Variants in FGGY observed in about 807,000 individuals in gnomAD.
The protein encoded by FGGY is FGGY carbohydrate kinase domain-containing protein.
In FGGY, 72 loss-of-function variants were observed where a neutral mutation model predicts 71.3. The ratio of observed to expected loss-of-function variants is 1.01; its 90% CI spans 0.84 to 1.23. The LOEUF (loss-of-function observed/expected upper bound fraction) is 1.23. Ranked by LOEUF, FGGY falls within the 50% of genes most tolerant of loss-of-function variation. FGGY has a pLI of 0.00. For synonymous variants in FGGY, 251 were observed against 250.3 expected (o/e 1.00, Z -0.02); for missense variants, 668 against 682.3 (o/e 0.98, Z 0.23).
At chr1:59,402,908 C>G (rs1375314124) in intron 5 of FGGY, among the ~76,000 whole-genome samples, 4 of 152,160 alleles carry the variant, frequency 2.6e-5, no homozygotes, top group African/African-American at 9.7e-5. Flanking sequence ...AGATGCTTAC[C>G]TCCCTGAGAG....
At chr1:59,370,985 G>T (rs2057515179) in intron 4 of FGGY, among the ~76,000 whole-genome samples, 1 of 151,728 alleles carries the variant, frequency 6.6e-6, no homozygotes, top group Admixed American at 6.6e-5. Flanking sequence ...AGACTAGGAA[G>T]AAACTGCATC....
intron 14 of FGGY, among the ~76,000 whole-genome samples, chr1:59,685,383 GT>G: frequency 6.6e-6 from 1 of 152,146 alleles, no homozygotes; most frequent in East Asian, 1.9e-4. Flanking sequence ...GATCTTGGCA[GT>G]TTTGATTAGT....
chr1:59,404,893 G>A (rs1454776018), intron 5 of FGGY, among the ~76,000 whole-genome samples: 1 of 152,160 alleles, frequency 6.6e-6, no homozygotes, highest in East Asian at 1.9e-4. Context: ...TACTGCCGCT[G>A]AGCTCACATC....
intron 14 of FGGY, among the ~76,000 whole-genome samples, chr1:59,700,475 G>C (rs11207507): frequency 0.029 from 4,361 of 152,224 alleles, 207 homozygotes; most frequent in African/African-American, 0.1. Context: ...CTTCAACAAA[G>C]TAGTGCATGA....
chr1:59,677,195 G>A (rs1157416762), intron 14 of FGGY, among the ~76,000 whole-genome samples: 1 of 152,324 alleles, frequency 6.6e-6, no homozygotes, highest in South Asian at 2.1e-4. Flanking sequence ...CTGGCAAGGT[G>A]AGGCAAAATT....
intron 5 of FGGY, among the ~76,000 whole-genome samples, chr1:59,420,637 G>T (rs1037976544): frequency 6.6e-6 from 1 of 152,058 alleles, no homozygotes; most frequent in Non-Finnish European, 1.5e-5. Flanking sequence ...AGCTTGTAGG[G>T]TTCAAGACTT....
chr1:59,498,074 C>T (rs918773353), intron 6 of FGGY, among the ~76,000 whole-genome samples: 1 of 152,180 alleles, frequency 6.6e-6, no homozygotes, highest in East Asian at 1.9e-4. Context: ...CTTGGTATAA[C>T]AGGATTCTAC....
intron 14 of FGGY, among the ~76,000 whole-genome samples, chr1:59,727,964 C>G (rs2097968865): frequency 6.6e-6 from 1 of 151,988 alleles, no homozygotes; most frequent in African/African-American, 2.4e-5. Context: ...CTTTGTAGGC[C>G]TTATTCTTTT....
intron 9 of FGGY, among the ~76,000 whole-genome samples, chr1:59,618,687 C>T (rs866367078): frequency 3.2e-4 from 48 of 151,882 alleles, no homozygotes; most frequent in African/African-American, 1.1e-3. Context: ...TAAGAGCTGA[C>T]TGGAGATGAC....
At chr1:59,654,789 A>G (rs72666267) in intron 11 of FGGY, among the ~76,000 whole-genome samples, 16,315 of 152,132 alleles carry the variant, frequency 0.11, 991 homozygotes, top group South Asian at 0.29. Context: ...GGAAACCTAC[A>G]CTCGACTAGG....
intron 8 of FGGY, among the ~76,000 whole-genome samples, chr1:59,576,091 C>T (rs1298413888): frequency 1.3e-5 from 2 of 152,142 alleles, no homozygotes; most frequent in African/African-American, 4.8e-5. Context: ...AGCATTCTCA[C>T]ATGCACACAT....
intron 11 of FGGY, among the ~76,000 whole-genome samples, chr1:59,644,068 T>C (rs979653100): frequency 6.6e-6 from 1 of 152,194 alleles, no homozygotes; most frequent in African/African-American, 2.4e-5. Flanking sequence ...ACCACCAACC[T>C]TGTGGCTTGT....
chr1:59,703,447 A>T (rs1253146279), intron 14 of FGGY, among the ~76,000 whole-genome samples: 1 of 152,206 alleles, frequency 6.6e-6, no homozygotes, highest in African/African-American at 2.4e-5. Context: ...TCACACAATT[A>T]GTAAATGGCA....
intron 2 of FGGY, among the ~76,000 whole-genome samples, chr1:59,336,697 T>C (rs1330254041): frequency 6.6e-6 from 1 of 151,986 alleles, no homozygotes; most frequent in Admixed American, 6.6e-5. Context: ...CCTGTGTCCA[T>C]GTGTTCTCAT....
At chr1:59,603,458 G>C (rs936896759) in intron 8 of FGGY, among the ~76,000 whole-genome samples, 3 of 152,146 alleles carry the variant, frequency 2.0e-5, no homozygotes, top group Non-Finnish European at 2.9e-5. Flanking sequence ...CATCATACAA[G>C]CCTCATTTCA....
chr1:59,505,254 A>G (rs2094347944), intron 6 of FGGY, among the ~76,000 whole-genome samples: 1 of 152,182 alleles, frequency 6.6e-6, no homozygotes, highest in Admixed American at 6.5e-5. Flanking sequence ...AAAGTAAGCT[A>G]CTTGAGCGTA....
chr1:59,659,195 C>G (rs1317694219), intron 11 of FGGY, among the ~76,000 whole-genome samples: 1 of 152,072 alleles, frequency 6.6e-6, no homozygotes, highest in Non-Finnish European at 1.5e-5. Context: ...AAGCAAGACT[C>G]TGTCTCAAAA....
chr1:59,673,071 A>G (rs140487214), intron 13 of FGGY, among the ~76,000 whole-genome samples: 1 of 152,288 alleles, frequency 6.6e-6, no homozygotes, highest in Non-Finnish European at 1.5e-5. Context: ...ACCATGTGCT[A>G]GATACTGGTC....
rs184850532 is a variant in FGGY at position 59,726,688 on chromosome 1, T to G, written c.1513-31243T>G. Among the ~76,000 whole-genome samples, 28 of 152,314 alleles carry G rather than the reference T, an allele frequency of 1.8e-4. No individual in the cohort carries two copies. The East Asian group carries it at 5.4e-3, about 29-fold the overall frequency. ...TTTCAAAGAAGTAGTCCATTTCATC[T>G]AAATTATTTTTAGTTGCCAATGTTA... On this transcript the variant is annotated intron_variant, in intron 14 of 15. Transcript: ENST00000303721.
Sources: gnomAD v4.1 joint callset for allele counts (sites outside exome capture counted in the v4.1 genomes callset) on GRCh38, gnomAD v4.1.1 for gene constraint, MANE v1.5 for transcripts, NCBI Gene and HGNC (gene_info 2026-07-23, HGNC 2026-07-21) for gene names.